HSPE1: variants seen among roughly 807,000 people sequenced by gnomAD.
HSPE1 encodes 10 kDa heat shock protein, mitochondrial.
Under a neutral mutation model 13.2 loss-of-function variants are expected in HSPE1, and 1 was observed. The ratio of observed to expected loss-of-function variants is 0.08; its 90% CI spans 0.03 to 0.36. The LOEUF (loss-of-function observed/expected upper bound fraction) is 0.36. Ranked by LOEUF, HSPE1 falls within the 10% of genes least tolerant of loss-of-function variation. The pLI is 0.99. For missense variants in HSPE1, 73 were observed against 118.7 expected, an observed-to-expected ratio of 0.62 and a Z score of 1.79; for synonymous variants, 44 against 42.0, an observed-to-expected ratio of 1.05 and a Z score of -0.19.
rs16866259 is a variant in HSPE1 at position 197,500,629 on chromosome 2, T to C, written c.3+190T>C. ...TCCCCCAGGGCTCTTTGCACGCGCGTGTGCTGCCGGTGTGTAAGGCAGGGG... is the reference window on the plus strand; with the variant it reads ...TCCCCCAGGGCTCTTTGCACGCGCGCGTGCTGCCGGTGTGTAAGGCAGGGG... On this transcript the variant is annotated intron_variant, in intron 1 of 3. Transcript: ENST00000233893. The C allele has an allele frequency of 7.3e-6, 6 of 823,150 alleles. No homozygotes were observed. The East Asian group carries it at 1.6e-4, about 22-fold the overall frequency. 51.0% of individuals were successfully genotyped at this position (823,150 alleles called of 1,614,324 possible).
At chr2:197,500,992 TGA>T (rs2086246211) in intron 1 of HSPE1, 80 bp from the exon 2 acceptor site, 1 of 1,452,912 alleles carries the variant, frequency 6.9e-7, no homozygotes, top group Admixed American at 2.1e-5. Flanking sequence ...CAAAACGTGT[TGA>T]GATGTATAGC....
At chr2:197,500,499 C>T (rs2086236958) in intron 1 of HSPE1, 60 bp downstream of exon 1, 1 of 1,558,058 alleles carries the variant, frequency 6.4e-7, no homozygotes, top group South Asian at 1.2e-5. Flanking sequence ...GTACGGGGAT[C>T]CCTGACGCCC....
chr2:197,500,606 C>G, intron 1 of HSPE1, 167 bp downstream of exon 1: 1 of 1,036,554 alleles, frequency 9.6e-7, no homozygotes, highest in Non-Finnish European at 1.4e-6. Context: ...CCCTTTTCTC[C>G]CCCAGGGCTC....
rs774521015 is a variant in HSPE1, at chr2:197,500,392, C to A, written c.-45C>A. 2 of 1,591,102 alleles carry A rather than the reference C, an allele frequency of 1.3e-6. No individual in the cohort carries two copies. Among genetic ancestry groups the A allele is most frequent in the African/African-American group, 2.7e-5 (2 of 74,600 alleles). On this transcript the variant is annotated 5_prime_UTR_variant, in exon 1 of 4. Transcript: ENST00000233893. ...CAGGGCCGGACTGCGAGTCTCTTTG[C>A]GGCGCTACACTAGAGCAGAGTACGA...
At chr2:197,500,540 G>T in intron 1 of HSPE1, 101 bp downstream of exon 1, 1 of 1,473,314 alleles carries the variant, frequency 6.8e-7, no homozygotes, top group Non-Finnish European at 9.3e-7. Flanking sequence ...GGAGGGATTG[G>T]TGGCCACTCA....
chr2:197,500,623 C>T lies in HSPE1; in HGVS notation c.3+184C>T. ...CTTTTCTCCCCCAGGGCTCTTTGCACGCGCGTGTGCTGCCGGTGTGTAAGG... is the reference window on the plus strand; with the variant it reads ...CTTTTCTCCCCCAGGGCTCTTTGCATGCGCGTGTGCTGCCGGTGTGTAAGG... On this transcript the variant is annotated intron_variant, in intron 1 of 3. Coordinates refer to ENST00000233893, the MANE Select transcript of HSPE1 (RefSeq NM_002157.3). The T allele has an allele frequency of 2.3e-5, 20 of 860,040 alleles. No homozygotes were observed. In the South Asian group the frequency reaches 3.3e-4, roughly 14 times the overall value. The allele number at this position is 860,040 out of a possible 1,614,324, so 53.3% of individuals were successfully genotyped here. A position where few individuals can be genotyped will look rare whatever the true frequency, so the allele number is the denominator to read the frequency against.
chr2:197,501,389 A>G (rs2086253126), intron 2 of HSPE1, 151 bp downstream of exon 2: 1 of 885,816 alleles, frequency 1.1e-6, no homozygotes, highest in Non-Finnish European at 1.7e-6. Flanking sequence ...TCTTAAAGGG[A>G]AATGACTAAT....
chr2:197,501,734 T>C (rs2086258435), intron 2 of HSPE1, among the ~76,000 whole-genome samples: 1 of 149,420 alleles, frequency 6.7e-6, no homozygotes, highest in African/African-American at 2.5e-5. Flanking sequence ...CGCCCCTGCA[T>C]TCCAGTATGG....
intron 2 of HSPE1, 158 bp downstream of exon 2, chr2:197,501,396 T>C (rs1286044337): frequency 3.7e-6 from 3 of 818,448 alleles, no homozygotes; most frequent in Non-Finnish European, 3.7e-6. Context: ...GGGAAATGAC[T>C]AATATAAAGT....
At chr2:197,500,974 T>A in intron 1 of HSPE1, 100 bp from the exon 2 acceptor site, 1 of 1,422,354 alleles carries the variant, frequency 7.0e-7, no homozygotes, top group Non-Finnish European at 9.5e-7. Context: ...GGTGTTAACT[T>A]TCAAAGCCAA....
At position 197,500,390 on chromosome 2, in the gene HSPE1, T is replaced by C; in HGVS notation, c.-47T>C. 1 of 1,590,474 alleles carries C rather than the reference T, an allele frequency of 6.3e-7. No individual in the cohort carries two copies. The highest frequency in any genetic ancestry group is 8.6e-7 in the Non-Finnish European group (1 of 1,169,228). Reference sequence around the variant, plus strand: ...GCCAGGGCCGGACTGCGAGTCTCTTTGCGGCGCTACACTAGAGCAGAGTAC... The same window carrying C: ...GCCAGGGCCGGACTGCGAGTCTCTTCGCGGCGCTACACTAGAGCAGAGTAC... On this transcript the variant is annotated 5_prime_UTR_variant, in exon 1 of 4. Coordinates refer to ENST00000233893, the MANE Select transcript of HSPE1 (RefSeq NM_002157.3).
At position 197,500,411 on chromosome 2, in the gene HSPE1, A is replaced by C; in HGVS notation, c.-26A>C. ...TCTTTGCGGCGCTACACTAGAGCAGAGTACGAGTCTGAGGCGGAGGGAGTA... is the reference window on the plus strand; with the variant it reads ...TCTTTGCGGCGCTACACTAGAGCAGCGTACGAGTCTGAGGCGGAGGGAGTA... On this transcript the variant is annotated 5_prime_UTR_variant, in exon 1 of 4. Coordinates refer to ENST00000233893, the MANE Select transcript of HSPE1 (RefSeq NM_002157.3). The C allele has an allele frequency of 6.3e-7, 1 of 1,599,022 alleles. No individual in the cohort carries two copies. Among genetic ancestry groups the C allele is most frequent in the Non-Finnish European group, 8.5e-7 (1 of 1,173,290 alleles).
chr2:197,502,037 G>T (rs954823076), intron 2 of HSPE1, among the ~76,000 whole-genome samples: 5 of 151,996 alleles, frequency 3.3e-5, no homozygotes, highest in Admixed American at 2.0e-4. Flanking sequence ...TAAAATGAGG[G>T]GGCATTTAAG....
chr2:197,501,012 C>T (rs771058605), intron 1 of HSPE1, 62 bp from the exon 2 acceptor site: 22 of 1,577,220 alleles, frequency 1.4e-5, no homozygotes, highest in Non-Finnish European at 1.7e-5. Flanking sequence ...AGCACGGTGG[C>T]GTTGCCTGTT....
At chr2:197,500,490 T>A (rs1481478098) in intron 1 of HSPE1, 51 bp downstream of exon 1, 1 of 1,564,030 alleles carries the variant, frequency 6.4e-7, no homozygotes, top group African/African-American at 1.4e-5. Context: ...GTCTGAGGCG[T>A]ACGGGGATCC....
At chr2:197,500,754 C>A in intron 1 of HSPE1, 1 of 580,394 alleles carries the variant, frequency 1.7e-6, no homozygotes. Context: ...AGGCAGGGAG[C>A]TTGACCCAGC....
Position 197,501,068 on chromosome 2 carries a change from C to T in HSPE1, c.4-6C>T, listed in dbSNP as rs1559306492. ...TTTTTGTTTCAAAACATTTCTCTTC[C>T]TACAGGCAGGACAAGCGTTTAGAAA... On this transcript the variant is annotated splice_polypyrimidine_tract_variant and splice_region_variant and intron_variant, in intron 1 of 3. Coordinates refer to ENST00000233893, the MANE Select transcript of HSPE1 (RefSeq NM_002157.3). 1 of 1,593,660 alleles carries T rather than the reference C, an allele frequency of 6.3e-7. No homozygotes were observed. The highest frequency in any genetic ancestry group is 1.7e-4 in the Middle Eastern group (1 of 5,968).
At chr2:197,500,748 A>G (rs748523432) in intron 1 of HSPE1, 8 of 585,972 alleles carry the variant, frequency 1.4e-5, no homozygotes, top group Non-Finnish European at 2.4e-5. Flanking sequence ...GGTGCCAGGC[A>G]GGGAGCTTGA....
chr2:197,503,447 T>TTTTAAATTTAAATTTA lies in HSPE1; in HGVS notation c.*188_*189insTTTAAATTTAAATTTA. On this transcript the variant is annotated 3_prime_UTR_variant, in exon 4 of 4. Transcript: ENST00000233893. ...ACACTTCCAAATAAAAATATGTAAA[T>TTTTAAATTTAAATTTA]GAGTGGTTAATCTTTAGTTATTTTA... is the stretch of plus-strand genomic sequence containing the variant. The TTTTAAATTTAAATTTA allele has an allele frequency of 2.3e-6, 1 of 441,614 alleles. No homozygotes were observed. Among genetic ancestry groups the TTTTAAATTTAAATTTA allele is most frequent in the Middle Eastern group, 6.0e-4 (1 of 1,664 alleles). 27.4% of individuals were successfully genotyped at this position (441,614 alleles called of 1,614,324 possible).
Sources: gnomAD v4.1 joint callset for allele counts (sites outside exome capture counted in the v4.1 genomes callset) on GRCh38, gnomAD v4.1.1 for gene constraint, MANE v1.5 for transcripts, NCBI Gene and HGNC (gene_info 2026-07-23, HGNC 2026-07-21) for gene names.